GPC5: variants seen among roughly 807,000 people sequenced by gnomAD.
GPC5 encodes glypican-5.
In GPC5, 47 loss-of-function variants were observed where a neutral mutation model predicts 53.9. The ratio of observed to expected loss-of-function variants is 0.87; its 90% CI spans 0.69 to 1.11. The LOEUF (loss-of-function observed/expected upper bound fraction) is 1.11. Among genes scored for constraint, GPC5 ranks in the 50% most tolerant of loss-of-function variants. The probability of loss-of-function intolerance (pLI) is 0.00; values close to 1 mark genes in which losing one functional copy is unlikely to be tolerated. For missense variants in GPC5, 748 were observed against 713.1 expected, an observed-to-expected ratio of 1.05 and a Z score of -0.56; for synonymous variants, 286 against 263.3, an observed-to-expected ratio of 1.09 and a Z score of -0.84.
At chr13:92,210,333 C>G (rs986659895) in intron 7 of GPC5, among the ~76,000 whole-genome samples, 21 of 152,096 alleles carry the variant, frequency 1.4e-4, no homozygotes, top group Admixed American at 1.2e-3. Flanking sequence ...CTAAATGACT[C>G]AAAATGTTTA....
At chr13:92,729,951 G>T (rs939896278) in intron 7 of GPC5, among the ~76,000 whole-genome samples, 2 of 151,330 alleles carry the variant, frequency 1.3e-5, no homozygotes, top group Non-Finnish European at 3.0e-5. Flanking sequence ...GCTTAGCTAG[G>T]ATCTACATTG....
chr13:91,427,758 C>T (rs1454597938), intron 1 of GPC5, among the ~76,000 whole-genome samples: 1 of 152,008 alleles, frequency 6.6e-6, no homozygotes, highest in Admixed American at 6.6e-5. Flanking sequence ...TGGCTGTGTC[C>T]CCACCTAAAA....
At chr13:91,771,117 A>G (rs951071918) in intron 5 of GPC5, among the ~76,000 whole-genome samples, 1 of 152,180 alleles carries the variant, frequency 6.6e-6, no homozygotes, top group African/African-American at 2.4e-5. Context: ...ACTTCCTCAA[A>G]TGAATTAGGA....
At chr13:92,165,645 C>T (rs754017229) in intron 7 of GPC5, among the ~76,000 whole-genome samples, 3 of 152,148 alleles carry the variant, frequency 2.0e-5, no homozygotes, top group Non-Finnish European at 4.4e-5. Context: ...TCTCATGAGG[C>T]CCCTCCCCTA....
At chr13:91,695,668 C>T (rs1054571383) in intron 3 of GPC5, among the ~76,000 whole-genome samples, 1 of 152,148 alleles carries the variant, frequency 6.6e-6, no homozygotes, top group African/African-American at 2.4e-5. Flanking sequence ...AGCCACTGAG[C>T]CGGACCAAAA....
chr13:92,221,685 C>A lies in GPC5; in HGVS notation c.1561+76696C>A, dbSNP rs778636431. On this transcript the variant is annotated intron_variant, in intron 7 of 7. Coordinates refer to ENST00000377067, the MANE Select transcript of GPC5 (RefSeq NM_004466.6). ...AAACCTTTTCTGCTTATTCTTCTTG[C>A]GCAAAGTGCACGCCAACAATATCCA... Among the ~76,000 whole-genome samples the A allele has an allele frequency of 2.0e-5, 3 of 151,914 alleles. No homozygotes were observed. The East Asian group carries it at 5.8e-4, about 30-fold the overall frequency.
intron 7 of GPC5, among the ~76,000 whole-genome samples, chr13:92,774,492 T>C (rs1875727748): frequency 1.3e-5 from 2 of 152,206 alleles, no homozygotes; most frequent in African/African-American, 4.8e-5. Context: ...GCTTGCAGGC[T>C]GGGAAGACTT....
chr13:92,039,183 T>G (rs1306208727), intron 6 of GPC5, among the ~76,000 whole-genome samples: 1 of 152,202 alleles, frequency 6.6e-6, no homozygotes, highest in Admixed American at 6.5e-5. Context: ...GTCTGAAGAT[T>G]GTTGCCAAAA....
chr13:92,174,684 G>A (rs948600184), intron 7 of GPC5, among the ~76,000 whole-genome samples: 2 of 152,004 alleles, frequency 1.3e-5, no homozygotes, highest in Non-Finnish European at 2.9e-5. Flanking sequence ...ACCTTGCTGG[G>A]CATCAGGAAT....
intron 5 of GPC5, among the ~76,000 whole-genome samples, chr13:91,805,578 A>G (rs1594580764): frequency 6.6e-6 from 1 of 152,208 alleles, no homozygotes; most frequent in African/African-American, 2.4e-5. Context: ...TTATTGCCTT[A>G]TTAAAACATT....
intron 7 of GPC5, among the ~76,000 whole-genome samples, chr13:92,795,970 T>G (rs1566422552): frequency 6.6e-6 from 1 of 152,094 alleles, no homozygotes; most frequent in East Asian, 1.9e-4. Flanking sequence ...CTCAAGCATC[T>G]AGAACTACAA....
At chr13:92,445,303 G>GTTTT in intron 7 of GPC5, among the ~76,000 whole-genome samples, 1 of 97,572 alleles carries the variant, frequency 1.0e-5, no homozygotes, top group Non-Finnish European at 2.1e-5. Flanking sequence ...GATTTTTTTT[G>GTTTT]TTTTATTTTA....
intron 7 of GPC5, among the ~76,000 whole-genome samples, chr13:92,864,562 GA>G (rs11316107): frequency 0.029 from 4,354 of 148,530 alleles, 178 homozygotes; most frequent in African/African-American, 0.09. Context: ...AGTTATCTTA[GA>G]AAAAAAAAAT....
chr13:92,194,902 A>G (rs1041443340), intron 7 of GPC5, among the ~76,000 whole-genome samples: 1 of 152,236 alleles, frequency 6.6e-6, no homozygotes, highest in Non-Finnish European at 1.5e-5. Context: ...GCACAAATTC[A>G]AAGACTTCTT....
chr13:92,405,299 G>A (rs1355041192), intron 7 of GPC5, among the ~76,000 whole-genome samples: 2 of 152,110 alleles, frequency 1.3e-5, no homozygotes, highest in Non-Finnish European at 2.9e-5. Flanking sequence ...TTAACTTAAA[G>A]TGCACATCTT....
At chr13:91,571,868 T>TGTGTACACACAC (rs2031841791) in intron 2 of GPC5, among the ~76,000 whole-genome samples, 8 of 104,446 alleles carry the variant, frequency 7.7e-5, no homozygotes, top group East Asian at 2.4e-4. Flanking sequence ...TACGTGTGTG[T>TGTGTACACACAC]ATATATACAC....
intron 7 of GPC5, among the ~76,000 whole-genome samples, chr13:92,512,184 G>A (rs765790972): frequency 1.3e-5 from 2 of 152,018 alleles, no homozygotes; most frequent in African/African-American, 2.4e-5. Flanking sequence ...TTCTGCCCTG[G>A]CAACACTTAA....
intron 7 of GPC5, among the ~76,000 whole-genome samples, chr13:92,150,121 C>G (rs1267657439): frequency 6.6e-6 from 1 of 151,690 alleles, no homozygotes; most frequent in Non-Finnish European, 1.5e-5. Flanking sequence ...TTCAATAAGG[C>G]TTATCATTTA....
intron 7 of GPC5, among the ~76,000 whole-genome samples, chr13:92,162,460 A>T (rs1158889717): frequency 6.6e-6 from 1 of 152,224 alleles, no homozygotes; most frequent in Non-Finnish European, 1.5e-5. Flanking sequence ...GGGAACACAC[A>T]GGAAGGTATC....
Sources: allele counts gnomAD v4.1 joint callset (sites outside exome capture counted in the v4.1 genomes callset), GRCh38; gene constraint gnomAD v4.1.1; transcripts MANE v1.5; gene names NCBI Gene and HGNC (gene_info 2026-07-23, HGNC 2026-07-21).